Variants in CCDC88C observed in about 807,000 individuals in gnomAD.
CCDC88C encodes protein Daple.
A neutral mutation model predicts 198.8 loss-of-function variants in CCDC88C; 131 were observed. That is an observed-to-expected ratio of 0.66 (90% CI 0.57 to 0.76). The LOEUF is 0.76. CCDC88C is among the 30% of genes least tolerant of loss of function. The pLI, the probability that CCDC88C is intolerant of heterozygous loss-of-function variation, is 0.00. For missense variants in CCDC88C, 2,553 were observed against 2,631.6 expected, an observed-to-expected ratio of 0.97 and a Z score of 0.65; for synonymous variants, 1,166 against 1,114.7, an observed-to-expected ratio of 1.05 and a Z score of -0.92.
chr14:91,325,120 G>C lies in CCDC88C; in HGVS notation c.1198-197C>G, dbSNP rs561368089. On this transcript the variant is annotated intron_variant, in intron 11 of 29. Coordinates refer to ENST00000389857, the MANE Select transcript of CCDC88C (RefSeq NM_001080414.4). The surrounding 1 kb of genome is among the most constrained non-coding windows in gnomAD (Gnocchi z 4.1). ...AGGGAAAGCCACTCAAAGGTACCCTGACCTGGCTACCTAGGTTATGAAGAC... is the reference window on the plus strand; with the variant it reads ...AGGGAAAGCCACTCAAAGGTACCCTCACCTGGCTACCTAGGTTATGAAGAC... Among the ~76,000 whole-genome samples the C allele has an allele frequency of 6.2e-4, 95 of 152,280 alleles. No individual in the cohort carries two copies. The highest frequency in any genetic ancestry group is 2.3e-3 in the African/African-American group (94 of 41,558).
chr14:91,377,717 C>T (rs2139943510), intron 3 of CCDC88C, among the ~76,000 whole-genome samples: 1 of 152,302 alleles, frequency 6.6e-6, no homozygotes, highest in East Asian at 1.9e-4. Flanking sequence ...GTGACTTACA[C>T]AAGATTGAAG....
chr14:91,339,739 C>T lies in CCDC88C; in HGVS notation c.624+145G>A, dbSNP rs900247236. 3.3e-5 allele frequency: 35 copies of T among 1,057,466 alleles called. No homozygotes were observed. The highest frequency in any genetic ancestry group is 1.9e-4 in the African/African-American group (12 of 62,214). 65.5% of individuals were successfully genotyped at this position (1,057,466 alleles called of 1,614,324 possible). Reference sequence around the variant, plus strand: ...CGAGGTGACCATGCACTGCAGGGGCCGTAACCAGGGAAAGCACGCACGTCC... The same window carrying T: ...CGAGGTGACCATGCACTGCAGGGGCTGTAACCAGGGAAAGCACGCACGTCC... On this transcript the variant is annotated intron_variant, in intron 7 of 29. Coordinates refer to ENST00000389857, the MANE Select transcript of CCDC88C (RefSeq NM_001080414.4). The surrounding 1 kb of genome is among the most constrained non-coding windows in gnomAD (Gnocchi z 5.8).
At position 91,279,235 on chromosome 14, in the gene CCDC88C, T is replaced by G; in HGVS notation, c.4768+3A>C. On this transcript the variant is annotated splice_donor_region_variant and intron_variant, in intron 28 of 29. Coordinates refer to ENST00000389857, the MANE Select transcript of CCDC88C (RefSeq NM_001080414.4). ...TAAAAGTACACAGAAGCACAAGACT[T>G]ACCTTTTAGGTTAAGAGGTGAGCTG... 1 of 1,588,248 alleles carries G rather than the reference T, an allele frequency of 6.3e-7. No homozygotes were observed. Among genetic ancestry groups the G allele is most frequent in the Non-Finnish European group, 8.6e-7 (1 of 1,165,020 alleles).
intron 3 of CCDC88C, among the ~76,000 whole-genome samples, chr14:91,386,599 T>C (rs1337856686): frequency 6.6e-6 from 1 of 152,260 alleles, no homozygotes; most frequent in East Asian, 1.9e-4. Context: ...GCGACCCTGC[T>C]CTGGAAGCTG....
chr14:91,315,605 G>A, intron 14 of CCDC88C, 45 bp downstream of exon 14: 1 of 1,607,864 alleles, frequency 6.2e-7, no homozygotes, highest in Non-Finnish European at 8.5e-7. Context: ...TCTCCGTCTT[G>A]CAGGCAGGGG....
In CCDC88C at chr14:91,288,249, G is replaced by C. The variant is rs1890503903; in HGVS notation, c.4441+856C>G. 6.6e-6 allele frequency among the ~76,000 whole-genome samples: 1 copy of C among 152,218 alleles called. No homozygotes were observed. The stretch of plus-strand genomic sequence containing the variant: ...TGATGAAATACAGCATACATGATGA[G>C]AAATCCTGTTCTTGTTTCAGAACCT... On this transcript the variant is annotated intron_variant, in intron 25 of 29. Coordinates refer to ENST00000389857, the MANE Select transcript of CCDC88C (RefSeq NM_001080414.4). This position sits in a 1 kb window ranked among gnomAD's most constrained non-coding sequence, Gnocchi z 4.2.
chr14:91,287,455 G>T (rs10131794), intron 25 of CCDC88C, among the ~76,000 whole-genome samples: 30,801 of 151,868 alleles, frequency 0.2, 4,001 homozygotes, highest in African/African-American at 0.37. Flanking sequence ...GGCTCAAGTC[G>T]ACTGAGCAGC....
Position 91,371,105 on chromosome 14 carries a change from G to A in CCDC88C, c.271-11394C>T, listed in dbSNP as rs551999129. Among the ~76,000 whole-genome samples, 6 of 152,302 alleles carry A rather than the reference G, an allele frequency of 3.9e-5. No individual in the cohort carries two copies. In the South Asian group the frequency reaches 1.0e-3, roughly 26 times the overall value. ...ACAGCACCTGCAGCAGTTCTGGGCTGCCCTTTCCTCTGTCCCTAAGTCCAC... is the reference window on the plus strand; with the variant it reads ...ACAGCACCTGCAGCAGTTCTGGGCTACCCTTTCCTCTGTCCCTAAGTCCAC... On this transcript the variant is annotated intron_variant, in intron 3 of 29. Coordinates refer to ENST00000389857, the MANE Select transcript of CCDC88C (RefSeq NM_001080414.4). The surrounding 1 kb of genome is among the most constrained non-coding windows in gnomAD (Gnocchi z 4.2).
intron 28 of CCDC88C, 73 bp from the exon 29 acceptor site, chr14:91,278,284 T>C (rs1890052863): frequency 7.1e-7 from 1 of 1,405,648 alleles, no homozygotes; most frequent in South Asian, 1.5e-5. Context: ...AGAGGCTTCG[T>C]GCTGCCTTTG....
chr14:91,388,902 G>T (rs1885312040), intron 3 of CCDC88C, among the ~76,000 whole-genome samples: 1 of 152,190 alleles, frequency 6.6e-6, no homozygotes, highest in African/African-American at 2.4e-5. Context: ...AGGGAACCCT[G>T]AAGCACCTGA....
Position 91,417,700 on chromosome 14 carries a change from G to A in CCDC88C, c.-10C>T. On this transcript the variant is annotated 5_prime_UTR_variant, in exon 1 of 30. Coordinates refer to ENST00000389857, the MANE Select transcript of CCDC88C (RefSeq NM_001080414.4). ...AGACTGTCACGTCCATGCTGAGGCT[G>A]CGCCCGCCGGCTCCGCGCCCCCCGC... 3 of 1,501,674 alleles carry A rather than the reference G, an allele frequency of 2.0e-6. No individual in the cohort carries two copies. Among genetic ancestry groups the A allele is most frequent in the Non-Finnish European group, 2.7e-6 (3 of 1,127,366 alleles). The allele number at this position is 1,501,674 out of a possible 1,614,324, so 93.0% of individuals were successfully genotyped here. A position where few individuals can be genotyped will look rare whatever the true frequency, so the allele number is the denominator to read the frequency against.
intron 3 of CCDC88C, among the ~76,000 whole-genome samples, chr14:91,400,365 A>G (rs957225806): frequency 2.2e-4 from 33 of 152,236 alleles, no homozygotes; most frequent in African/African-American, 7.2e-4. Context: ...CTCCTCAGGC[A>G]CATCTCCCAG....
intron 14 of CCDC88C, among the ~76,000 whole-genome samples, chr14:91,314,621 C>G (rs1892014149): frequency 1.3e-5 from 2 of 152,196 alleles, no homozygotes; most frequent in African/African-American, 4.8e-5. Flanking sequence ...CCAAAACATC[C>G]TGGCATGATG....
chr14:91,308,616 G>T, intron 16 of CCDC88C, 124 bp from the exon 17 acceptor site: 1 of 1,042,220 alleles, frequency 9.6e-7, no homozygotes, highest in Non-Finnish European at 1.4e-6. Context: ...GCAGCTTTTG[G>T]CCCAGAAGAA....
intron 26 of CCDC88C, among the ~76,000 whole-genome samples, chr14:91,282,224 A>C (rs982473371): frequency 6.6e-6 from 1 of 152,136 alleles, no homozygotes; most frequent in Non-Finnish European, 1.5e-5. Flanking sequence ...TCAGGACCCT[A>C]TCTCTGTTGC....
At chr14:91,293,741 G>C (rs912092904) in intron 23 of CCDC88C, among the ~76,000 whole-genome samples, 1 of 152,036 alleles carries the variant, frequency 6.6e-6, no homozygotes, top group Non-Finnish European at 1.5e-5. Context: ...TCCCCCTACT[G>C]GTTCCTGGCT....
At chr14:91,334,058 A>G (rs1892948779) in intron 10 of CCDC88C, among the ~76,000 whole-genome samples, 1 of 152,222 alleles carries the variant, frequency 6.6e-6, no homozygotes, top group South Asian at 2.1e-4. Flanking sequence ...TAATTGTATC[A>G]CACACACCCA....
intron 23 of CCDC88C, among the ~76,000 whole-genome samples, chr14:91,293,511 T>C (rs66785757): frequency 0.56 from 5,021 of 9,006 alleles, 1,283 homozygotes; most frequent in Middle Eastern, 0.68. Context: ...TGCCACGGCC[T>C]ACCTTCCTGT....
At chr14:91,356,546 A>G (rs992448436) in intron 4 of CCDC88C, among the ~76,000 whole-genome samples, 1 of 152,220 alleles carries the variant, frequency 6.6e-6, no homozygotes, top group Non-Finnish European at 1.5e-5. Context: ...TTCACCTGTC[A>G]ACAGTCTAAA....
Sources: gnomAD v4.1 joint callset for allele counts (sites outside exome capture counted in the v4.1 genomes callset) on GRCh38, gnomAD v4.1.1 for gene constraint, Gnocchi (gnomAD v3.1) non-coding constraint, MANE v1.5 for transcripts, NCBI Gene and HGNC (gene_info 2026-07-23, HGNC 2026-07-21) for gene names.